Variants in PCDHGA8 observed in about 807,000 individuals in gnomAD.
The protein encoded by PCDHGA8 is protocadherin gamma subfamily A, 8.
In PCDHGA8, 45 loss-of-function variants were observed where a neutral mutation model predicts 59.2. The observed-to-expected ratio is 0.76, with a 90% CI of 0.60 to 0.98. The LOEUF (loss-of-function observed/expected upper bound fraction) is 0.98. PCDHGA8 is among the 50% of genes least tolerant of loss of function. PCDHGA8 has a pLI of 0.00. For missense variants in PCDHGA8, 1,257 were observed against 1,196.2 expected, an observed-to-expected ratio of 1.05 and a Z score of -0.75; for synonymous variants, 531 against 519.0, an observed-to-expected ratio of 1.02 and a Z score of -0.32.
At chr5:141,447,988 A>C (rs1234413003) in intron 1 of PCDHGA8, among the ~76,000 whole-genome samples, 1 of 152,018 alleles carries the variant, frequency 6.6e-6, no homozygotes, top group Non-Finnish European at 1.5e-5. Flanking sequence ...CGGGAGGCTG[A>C]GGCATGAGAA....
intron 1 of PCDHGA8, among the ~76,000 whole-genome samples, chr5:141,462,218 C>T (rs2099034952): frequency 6.6e-6 from 1 of 152,180 alleles, no homozygotes; most frequent in African/African-American, 2.4e-5. Context: ...CCTCGGCCTC[C>T]CAAAGTGCAG....
chr5:141,394,433 G>A lies in PCDHGA8; in HGVS notation c.1620G>A (p.Pro540=), dbSNP rs1180818373. The part of the protein sequence containing the change: ...LLVTASDSGD[P]PLSSNMSLSL... ...TAACAGCCAGCGACAGCGGGGACCC[G>A]CCCCTCAGCAGCAACATGTCACTGA... Residue 540 remains proline, a synonymous_variant, in exon 1 of 4, where the codon CCG becomes CCA. Coordinates refer to ENST00000398604, the MANE Select transcript of PCDHGA8 (RefSeq NM_032088.2). 3.7e-6 allele frequency: 6 copies of A among 1,614,088 alleles called. No homozygotes were observed. The East Asian group carries it at 8.9e-5, about 24-fold the overall frequency.
At chr5:141,423,880 G>A in intron 1 of PCDHGA8, 1 of 1,282,292 alleles carries the variant, frequency 7.8e-7, no homozygotes, top group Middle Eastern at 2.9e-4. Context: ...TTTCAATCTT[G>A]GCATATTTTC....
At chr5:141,466,974 C>G (rs1314224956) in intron 1 of PCDHGA8, among the ~76,000 whole-genome samples, 1 of 151,944 alleles carries the variant, frequency 6.6e-6, no homozygotes, top group Non-Finnish European at 1.5e-5. Context: ...TCTCACAGCT[C>G]ATCATTTACC....
At chr5:141,444,561 G>A (rs1554133061) in intron 1 of PCDHGA8, among the ~76,000 whole-genome samples, 2 of 152,098 alleles carry the variant, frequency 1.3e-5, no homozygotes, top group Non-Finnish European at 2.9e-5. Context: ...GCACTTATTT[G>A]ACACTTTTGA....
intron 3 of PCDHGA8, among the ~76,000 whole-genome samples, chr5:141,510,329 A>T (rs1433056614): frequency 2.7e-5 from 4 of 150,230 alleles, no homozygotes; most frequent in Admixed American, 2.7e-4. Flanking sequence ...AGCACTCTTC[A>T]CCCCCACCCC....
chr5:141,499,150 T>C (rs1424635509), intron 2 of PCDHGA8, among the ~76,000 whole-genome samples: 5 of 152,180 alleles, frequency 3.3e-5, no homozygotes, highest in Non-Finnish European at 1.5e-5. Context: ...CTGATCCCAA[T>C]AGCTGTTGTC....
chr5:141,398,908 G>A, intron 1 of PCDHGA8: 2 of 1,613,978 alleles, frequency 1.2e-6, no homozygotes, highest in East Asian at 2.2e-5. Flanking sequence ...AGGCACCACT[G>A]TGTTGCAAGT....
Position 141,486,443 on chromosome 5 carries a change from A to G in PCDHGA8, c.2425-8364A>G, listed in dbSNP as rs747419698. Reference sequence around the variant, plus strand: ...AGAGGCCAAATCTAGCTATGACATCATGGTCACTGCTTCTGATGCTGGGAA... The same window carrying G: ...AGAGGCCAAATCTAGCTATGACATCGTGGTCACTGCTTCTGATGCTGGGAA... On this transcript the variant is annotated intron_variant, in intron 1 of 3. Transcript: ENST00000398604. The surrounding 1 kb of genome is among the most constrained non-coding windows in gnomAD (Gnocchi z 5.0). The G allele has an allele frequency of 1.9e-6, 3 of 1,614,060 alleles. No individual in the cohort carries two copies. Among genetic ancestry groups the G allele is most frequent in the South Asian group, 2.2e-5 (2 of 91,080 alleles).
At chr5:141,423,264 C>G (rs1452323474) in intron 1 of PCDHGA8, 1 of 1,613,986 alleles carries the variant, frequency 6.2e-7, no homozygotes. Flanking sequence ...TCGGCAGCCT[C>G]GAGTCTCTGG....
At chr5:141,429,396 T>A (rs2097212352) in intron 1 of PCDHGA8, among the ~76,000 whole-genome samples, 1 of 151,520 alleles carries the variant, frequency 6.6e-6, no homozygotes, top group African/African-American at 2.4e-5. Context: ...TTAAAAAAAA[T>A]TGAGATTAAG....
Position 141,478,516 on chromosome 5 carries a change from G to A in PCDHGA8, c.2425-16291G>A, listed in dbSNP as rs769702987. The A allele has an allele frequency of 4.3e-6, 7 of 1,610,992 alleles. No homozygotes were observed. In the African/African-American group the frequency reaches 8.0e-5, roughly 18 times the overall value. ...GTGATCCGGTGTTCTATAGGCAGGT[G>A]TTGGGTGCAGAGAGCGCCCCTCCCG... On this transcript the variant is annotated intron_variant, in intron 1 of 3. Transcript: ENST00000398604.
rs756243026 is a variant in PCDHGA8, at chr5:141,487,478, T to C, written c.2425-7329T>C. On this transcript the variant is annotated intron_variant, in intron 1 of 3. Transcript: ENST00000398604. This position sits in a 1 kb window ranked among gnomAD's most constrained non-coding sequence, Gnocchi z 5.0. ...CAAGTTTGTTGATGTGGGAGGCCAC[T>C]CTCATGGCTGTACACCCTTGGCTTC... is the stretch of plus-strand genomic sequence containing the variant. 6 of 1,614,078 alleles carry C rather than the reference T, an allele frequency of 3.7e-6. No individual in the cohort carries two copies. In the Admixed American group the frequency reaches 1.0e-4, roughly 27 times the overall value.
rs1421670958 is a variant in PCDHGA8, at chr5:141,432,558, A to C, written c.2424+37321A>C. ...GTGGCGGTGGACAGAGACTCCGGCC[A>C]GAACGCCTGGCTGTCCTACCGTCTG... On this transcript the variant is annotated intron_variant, in intron 1 of 3. Transcript: ENST00000398604. This position sits in a 1 kb window ranked among gnomAD's most constrained non-coding sequence, Gnocchi z 6.0. The C allele has an allele frequency of 1.9e-6, 3 of 1,613,756 alleles. No individual in the cohort carries two copies. The highest frequency in any genetic ancestry group is 2.2e-5 in the South Asian group (2 of 91,060).
At chr5:141,434,843 G>C (rs1302739038) in intron 1 of PCDHGA8, among the ~76,000 whole-genome samples, 2 of 151,746 alleles carry the variant, frequency 1.3e-5, no homozygotes, top group African/African-American at 4.8e-5. Flanking sequence ...TTATAAAGCA[G>C]ACATCAATAA....
intron 1 of PCDHGA8, among the ~76,000 whole-genome samples, chr5:141,480,106 A>C (rs1466691134): frequency 6.6e-6 from 1 of 152,196 alleles, no homozygotes; most frequent in Non-Finnish European, 1.5e-5. Context: ...AGTGTTTAGC[A>C]TGGTGCCTGG....
chr5:141,406,390 ATTC>A (rs2094804697), intron 1 of PCDHGA8, among the ~76,000 whole-genome samples: 1 of 152,172 alleles, frequency 6.6e-6, no homozygotes, highest in Non-Finnish European at 1.5e-5. Flanking sequence ...AGGTAAATGT[ATTC>A]TTCTTAGAGA....
intron 1 of PCDHGA8, chr5:141,422,273 C>T: frequency 6.4e-7 from 1 of 1,560,808 alleles, no homozygotes; most frequent in Non-Finnish European, 8.6e-7. Flanking sequence ...CCAGAAATAA[C>T]TATCACCTCT....
At chr5:141,395,494 T>G in intron 1 of PCDHGA8, 3 of 484,122 alleles carry the variant, frequency 6.2e-6, no homozygotes, top group Middle Eastern at 5.6e-4. Context: ...TTATCACTCA[T>G]TCACTTAAGA....
Sources: allele counts gnomAD v4.1 joint callset (sites outside exome capture counted in the v4.1 genomes callset), GRCh38; gene constraint gnomAD v4.1.1; non-coding constraint Gnocchi (gnomAD v3.1); transcripts MANE v1.5; gene names NCBI Gene and HGNC (gene_info 2026-07-23, HGNC 2026-07-21).